Variants in PIK3C2G observed in about 807,000 individuals in gnomAD.
PIK3C2G encodes the protein phosphatidylinositol 3-kinase C2 domain-containing subunit gamma.
PIK3C2G carries 168 observed loss-of-function variants against 181.1 expected under a neutral mutation model. The ratio of observed to expected loss-of-function variants is 0.93; its 90% CI spans 0.82 to 1.05. PIK3C2G has a LOEUF of 1.05. PIK3C2G is among the 50% of genes least tolerant of loss of function. PIK3C2G has a pLI of 0.00. For missense variants in PIK3C2G, 1,869 were observed against 1,732.8 expected (o/e 1.08, Z -1.40); for synonymous variants, 573 against 592.2 (o/e 0.97, Z 0.47).
intron 19 of PIK3C2G, among the ~76,000 whole-genome samples, chr12:18,490,652 T>A (rs529940095): frequency 6.6e-6 from 1 of 152,340 alleles, no homozygotes; most frequent in South Asian, 2.1e-4. Flanking sequence ...TGTGTCTGGC[T>A]TATTTCACAT....
intron 18 of PIK3C2G, among the ~76,000 whole-genome samples, chr12:18,458,741 A>T (rs1158430452): frequency 6.6e-6 from 1 of 151,920 alleles, no homozygotes; most frequent in Non-Finnish European, 1.5e-5. Context: ...GTGCAAGCAG[A>T]ATTTAATGCA....
the PIK3C2G span, among the ~76,000 whole-genome samples, chr12:18,668,839 G>A: frequency 1.3e-5 from 2 of 152,148 alleles, no homozygotes; most frequent in East Asian, 3.9e-4. Context: ...CAGAATACAC[G>A]AGTGCAGAAG....
At chr12:18,416,080 A>C (rs1050890138) in intron 16 of PIK3C2G, among the ~76,000 whole-genome samples, 1 of 152,106 alleles carries the variant, frequency 6.6e-6, no homozygotes, top group Non-Finnish European at 1.5e-5. Flanking sequence ...CCCCGTCTCT[A>C]CTGAAAATAC....
chr12:18,462,200 C>G (rs1004718299), intron 18 of PIK3C2G, among the ~76,000 whole-genome samples: 7 of 152,174 alleles, frequency 4.6e-5, no homozygotes, highest in Non-Finnish European at 7.3e-5. Context: ...AAGTTACTTT[C>G]ATTTCTTCCT....
intron 11 of PIK3C2G, among the ~76,000 whole-genome samples, chr12:18,354,610 T>C (rs1377325009): frequency 1.3e-5 from 2 of 152,168 alleles, no homozygotes; most frequent in Non-Finnish European, 2.9e-5. Context: ...TGCCAGATGA[T>C]ATCAAAATGA....
chr12:18,280,990 C>T (rs190986051), intron 1 of PIK3C2G, among the ~76,000 whole-genome samples: 5 of 151,734 alleles, frequency 3.3e-5, no homozygotes, highest in African/African-American at 9.7e-5. Context: ...TGAGCAGCTG[C>T]GTGAATAATT....
chr12:18,518,319 C>A (rs900940690), intron 24 of PIK3C2G, among the ~76,000 whole-genome samples: 1 of 152,144 alleles, frequency 6.6e-6, no homozygotes, highest in Non-Finnish European at 1.5e-5. Context: ...GGTATCAGCT[C>A]CTCTTTGTAC....
chr12:18,609,709 C>A, intron 31 of PIK3C2G, 80 bp downstream of exon 31: 1 of 782,152 alleles, frequency 1.3e-6, no homozygotes, highest in Non-Finnish European at 2.1e-6. Context: ...TTAGTGTCAA[C>A]ATTAGCTAGA....
At chr12:18,405,993 TG>T (rs1323533142) in intron 16 of PIK3C2G, among the ~76,000 whole-genome samples, 1 of 152,198 alleles carries the variant, frequency 6.6e-6, no homozygotes, top group African/African-American at 2.4e-5. Flanking sequence ...TCCAAGCTAC[TG>T]AAATGTTGTA....
the PIK3C2G span, among the ~76,000 whole-genome samples, chr12:18,726,774 A>G: frequency 6.6e-6 from 1 of 152,198 alleles, no homozygotes; most frequent in East Asian, 1.9e-4. Flanking sequence ...AGTTGGTTGT[A>G]TCTAAAATTA....
intron 1 of PIK3C2G, among the ~76,000 whole-genome samples, chr12:18,254,571 G>A (rs555930373): frequency 2.0e-5 from 3 of 152,048 alleles, no homozygotes; most frequent in Admixed American, 1.3e-4. Flanking sequence ...TGGGCTGGGC[G>A]TGGTAGCTCA....
At chr12:18,317,980 TG>T (rs1950942040) in intron 6 of PIK3C2G, among the ~76,000 whole-genome samples, 1 of 152,226 alleles carries the variant, frequency 6.6e-6, no homozygotes, top group Non-Finnish European at 1.5e-5. Flanking sequence ...TAAAATTGGA[TG>T]TTTCACTGTG....
chr12:18,520,038 A>T (rs1288705399), intron 24 of PIK3C2G, among the ~76,000 whole-genome samples: 3 of 150,392 alleles, frequency 2.0e-5, no homozygotes, highest in African/African-American at 7.3e-5. Context: ...AATGTTGAAT[A>T]TCGGCCACCC....
chr12:18,568,190 G>T (rs1280476215), intron 29 of PIK3C2G, among the ~76,000 whole-genome samples: 1 of 152,150 alleles, frequency 6.6e-6, no homozygotes, highest in Non-Finnish European at 1.5e-5. Context: ...ATTAGGACAT[G>T]AACATCTTTT....
chr12:18,344,338 ACT>A (rs1555166672), intron 10 of PIK3C2G, among the ~76,000 whole-genome samples: 1 of 152,050 alleles, frequency 6.6e-6, no homozygotes, highest in Non-Finnish European at 1.5e-5. Flanking sequence ...AAAAGAAGAC[ACT>A]CAATTAAGTT....
chr12:18,718,918 A>G, the PIK3C2G span, among the ~76,000 whole-genome samples: 1 of 152,202 alleles, frequency 6.6e-6, no homozygotes, highest in Non-Finnish European at 1.5e-5. Context: ...AAAATCAGCA[A>G]TGCAATGTGG....
At chr12:18,350,342 T>G (rs1940106318) in intron 11 of PIK3C2G, among the ~76,000 whole-genome samples, 1 of 152,146 alleles carries the variant, frequency 6.6e-6, no homozygotes, top group Non-Finnish European at 1.5e-5. Context: ...TATGGTATCA[T>G]TGTTTGATAA....
upstream of PIK3C2G, among the ~76,000 whole-genome samples, chr12:18,260,214 A>G (rs1469314334): frequency 6.6e-6 from 1 of 152,100 alleles, no homozygotes; most frequent in African/African-American, 2.4e-5. Context: ...AGATTTGTAG[A>G]TCCAAAATGT....
chr12:18,543,075 T>C (rs888893220), intron 25 of PIK3C2G, among the ~76,000 whole-genome samples: 1 of 152,018 alleles, frequency 6.6e-6, no homozygotes, highest in Non-Finnish European at 1.5e-5. Flanking sequence ...TTTTTAGTAA[T>C]AGCCATTCTG....
Sources: gnomAD v4.1 joint callset for allele counts (sites outside exome capture counted in the v4.1 genomes callset) on GRCh38, gnomAD v4.1.1 for gene constraint, MANE v1.5 for transcripts, NCBI Gene and HGNC (gene_info 2026-07-23, HGNC 2026-07-21) for gene names.